The following TASP1 variants were observed in gnomAD, a reference collection of about 807,000 sequenced individuals.
TASP1 encodes the protein threonine aspartase 1.
Under a neutral mutation model 56.6 loss-of-function variants are expected in TASP1, and 16 were observed. That is an observed-to-expected ratio of 0.28 (90% CI 0.19 to 0.43). TASP1 has a LOEUF of 0.43. Among genes scored for constraint, TASP1 ranks in the 20% least tolerant of loss-of-function variants. TASP1 has a pLI of 1.00. For missense variants in TASP1, 393 were observed against 511.6 expected (o/e 0.77, Z 2.24); for synonymous variants, 179 against 184.2 (o/e 0.97, Z 0.23).
At chr20:13,107,329 A>G in the TASP1 span, among the ~76,000 whole-genome samples, 1 of 152,180 alleles carries the variant, frequency 6.6e-6, no homozygotes, top group Non-Finnish European at 1.5e-5. Flanking sequence ...TAAAAGGAAA[A>G]TGGGTTAAAA....
intron 6 of TASP1, among the ~76,000 whole-genome samples, chr20:13,570,871 T>G (rs905301523): frequency 3.9e-5 from 6 of 152,124 alleles, no homozygotes; most frequent in African/African-American, 1.4e-4. Flanking sequence ...TTTTTAGCAT[T>G]TCCTTCTTCT....
chr20:13,579,036 T>C (rs949810547), intron 6 of TASP1, among the ~76,000 whole-genome samples: 6 of 152,334 alleles, frequency 3.9e-5, no homozygotes, highest in East Asian at 1.9e-4. Context: ...ACTTTTTACA[T>C]GGTTTATGCT....
chr20:13,395,180 G>A (rs2041476493), intron 13 of TASP1, among the ~76,000 whole-genome samples: 1 of 152,146 alleles, frequency 6.6e-6, no homozygotes. Context: ...GTCAAATGGG[G>A]GCCCTTGAGT....
chr20:13,287,180 A>G, the TASP1 span, among the ~76,000 whole-genome samples: 1 of 152,212 alleles, frequency 6.6e-6, no homozygotes, highest in Non-Finnish European at 1.5e-5. Context: ...TTTATAAAGG[A>G]AAGAGATTTA....
intron 11 of TASP1, among the ~76,000 whole-genome samples, chr20:13,455,484 T>A (rs2043798304): frequency 6.6e-6 from 1 of 152,046 alleles, no homozygotes; most frequent in Non-Finnish European, 1.5e-5. Context: ...CTACTAAAGT[T>A]GAAGAAAGAA....
the TASP1 span, among the ~76,000 whole-genome samples, chr20:13,294,536 C>T: frequency 6.6e-6 from 1 of 152,174 alleles, no homozygotes; most frequent in African/African-American, 2.4e-5. Context: ...TGCACAAAGC[C>T]ACATTGGCAT....
intron 13 of TASP1, among the ~76,000 whole-genome samples, chr20:13,401,445 C>A (rs893014954): frequency 9.2e-5 from 14 of 152,056 alleles, no homozygotes; most frequent in African/African-American, 3.4e-4. Context: ...ATGTGTTGGG[C>A]CCTGTGTTGT....
chr20:13,237,211 A>G, the TASP1 span, among the ~76,000 whole-genome samples: 1 of 152,206 alleles, frequency 6.6e-6, no homozygotes, highest in African/African-American at 2.4e-5. Context: ...ACATATCAAC[A>G]TGCCCTTGGC....
chr20:13,371,740 T>A, the TASP1 span, among the ~76,000 whole-genome samples: 2 of 152,180 alleles, frequency 1.3e-5, no homozygotes, highest in African/African-American at 2.4e-5. Context: ...ATATTTAAAG[T>A]GGAATATTTA....
chr20:13,492,128 A>C (rs1035665905), intron 10 of TASP1, among the ~76,000 whole-genome samples: 1 of 152,212 alleles, frequency 6.6e-6, no homozygotes, highest in Non-Finnish European at 1.5e-5. Context: ...GCTCGACAGC[A>C]ACAAAAGCTC....
chr20:13,300,064 C>G, the TASP1 span: 1 of 152,182 alleles, frequency 6.6e-6, no homozygotes, highest in East Asian at 1.9e-4. Flanking sequence ...CATGAGGCAC[C>G]TTGCTGGAGT....
intron 13 of TASP1, among the ~76,000 whole-genome samples, chr20:13,407,670 C>T (rs1292856706): frequency 6.6e-6 from 1 of 152,144 alleles, no homozygotes; most frequent in Admixed American, 6.5e-5. Flanking sequence ...TCCAAAGTAG[C>T]AGCACCATTT....
intron 8 of TASP1, among the ~76,000 whole-genome samples, chr20:13,538,419 A>G (rs1284996421): frequency 1.3e-5 from 2 of 152,230 alleles, no homozygotes; most frequent in Non-Finnish European, 2.9e-5. Flanking sequence ...ATTCTAAAAT[A>G]GGTCTATTAT....
the TASP1 span, among the ~76,000 whole-genome samples, chr20:13,362,411 C>G: frequency 1.3e-5 from 2 of 151,218 alleles, no homozygotes; most frequent in Non-Finnish European, 2.9e-5. Flanking sequence ...CTTGCCTTAA[C>G]TGATGACATT....
chr20:13,358,893 G>C, the TASP1 span, among the ~76,000 whole-genome samples: 1 of 149,642 alleles, frequency 6.7e-6, no homozygotes, highest in Non-Finnish European at 1.5e-5. Flanking sequence ...TTCTCTCCTT[G>C]TCTCTACCCC....
At chr20:13,311,254 T>C in the TASP1 span, among the ~76,000 whole-genome samples, 1 of 135,600 alleles carries the variant, frequency 7.4e-6, no homozygotes, top group South Asian at 2.2e-4. Flanking sequence ...GATAGATAGA[T>C]AGATAGATAG....
chr20:13,385,448 C>T (rs1361876102), downstream of TASP1, among the ~76,000 whole-genome samples: 4 of 152,196 alleles, frequency 2.6e-5, no homozygotes, highest in Non-Finnish European at 4.4e-5. Context: ...AATGTCCCTC[C>T]GATGTTACGG....
At chr20:13,478,346 TACACACAC>T (rs35289716) in intron 11 of TASP1, among the ~76,000 whole-genome samples, 3 of 140,290 alleles carry the variant, frequency 2.1e-5, no homozygotes, top group South Asian at 4.5e-4. Flanking sequence ...GAAAATATGA[TACACACAC>T]ACACACACAC....
chr20:13,560,971 T>C (rs2046325863), intron 7 of TASP1, among the ~76,000 whole-genome samples: 1 of 152,142 alleles, frequency 6.6e-6, no homozygotes, highest in South Asian at 2.1e-4. Flanking sequence ...GAAAAGCAGA[T>C]TATCACCTAC....
Sources: gnomAD v4.1 joint callset for allele counts (sites outside exome capture counted in the v4.1 genomes callset) on GRCh38, gnomAD v4.1.1 for gene constraint, MANE v1.5 for transcripts, NCBI Gene and HGNC (gene_info 2026-07-23, HGNC 2026-07-21) for gene names.